Variants in USH2A observed in about 807,000 individuals in gnomAD.
USH2A encodes the protein usherin.
A neutral mutation model predicts 538.9 loss-of-function variants in USH2A; 443 were observed. The observed-to-expected ratio is 0.82, with a 90% CI of 0.76 to 0.89. The LOEUF is 0.89. Among genes scored for constraint, USH2A ranks in the 40% least tolerant of loss-of-function variants. The pLI is 0.00. For synonymous variants in USH2A, 2,413 were observed against 2,273.5 expected (o/e 1.06, Z -1.75); for missense variants, 6,633 against 6,324.8 (o/e 1.05, Z -1.65).
intron 44 of USH2A, among the ~76,000 whole-genome samples, chr1:215,856,059 C>A (rs1664157398): frequency 6.6e-6 from 1 of 152,146 alleles, no homozygotes; most frequent in African/African-American, 2.4e-5. Context: ...AGACTTAAAT[C>A]TAAAACCTGA....
chr1:215,882,753 G>C (rs1664947933), intron 41 of USH2A, among the ~76,000 whole-genome samples: 1 of 152,068 alleles, frequency 6.6e-6, no homozygotes, highest in African/African-American at 2.4e-5. Context: ...TTGCTTTTCA[G>C]ACTTAATTGA....
intron 36 of USH2A, among the ~76,000 whole-genome samples, chr1:215,965,763 T>A (rs1310006467): frequency 6.6e-6 from 1 of 151,958 alleles, no homozygotes; most frequent in Non-Finnish European, 1.5e-5. Flanking sequence ...GCTGTACATA[T>A]CCATAGACCA....
At position 216,296,368 on chromosome 1, in the gene USH2A, C is replaced by T. The variant is rs371480625; in HGVS notation, c.1645-3998G>A. Among the ~76,000 whole-genome samples the T allele has an allele frequency of 2.2e-4, 33 of 152,022 alleles. No individual in the cohort carries two copies. The East Asian group carries it at 4.3e-3, about 20-fold the overall frequency. ...AACCTTTAGGCTAAGGTAGTTGTCC[C>T]GCTTCTCATCTCTCAGAGTACTCTA... is the stretch of plus-strand genomic sequence containing the variant. On this transcript the variant is annotated intron_variant, in intron 9 of 71. Coordinates refer to ENST00000307340, the MANE Select transcript of USH2A (RefSeq NM_206933.4).
At chr1:216,065,303 A>T (rs1309281024) in intron 30 of USH2A, among the ~76,000 whole-genome samples, 1 of 152,200 alleles carries the variant, frequency 6.6e-6, no homozygotes, top group Non-Finnish European at 1.5e-5. Context: ...TAACCTTAGA[A>T]TTACTATTTT....
At chr1:216,353,218 G>A (rs909634560) in intron 4 of USH2A, among the ~76,000 whole-genome samples, 3 of 151,976 alleles carry the variant, frequency 2.0e-5, no homozygotes, top group African/African-American at 4.8e-5. Context: ...TGAAGATCCC[G>A]GGAGGGATGA....
At position 215,747,864 on chromosome 1, in the gene USH2A, GT is replaced by G. The variant is rs887299193; in HGVS notation, c.11390-4530del. On this transcript the variant is annotated intron_variant, in intron 58 of 71. Coordinates refer to ENST00000307340, the MANE Select transcript of USH2A (RefSeq NM_206933.4). ...TGTTGTTTGAAGCCACAGGTTTTTTGTTTTTTTTTGTTTGTTTGTTTGTTTG... is the reference window on the plus strand; with the variant it reads ...TGTTGTTTGAAGCCACAGGTTTTTTGTTTTTTTTGTTTGTTTGTTTGTTTG... Among the ~76,000 whole-genome samples, 21 of 147,504 alleles carry G rather than the reference GT, an allele frequency of 1.4e-4. No individual in the cohort carries two copies. The East Asian group carries it at 3.2e-3, about 22-fold the overall frequency.
chr1:215,662,564 G>T (rs1013584303), intron 64 of USH2A, among the ~76,000 whole-genome samples: 1 of 152,204 alleles, frequency 6.6e-6, no homozygotes, highest in East Asian at 1.9e-4. Context: ...ATGATCTCCC[G>T]TGGGAACAAA....
intron 32 of USH2A, among the ~76,000 whole-genome samples, chr1:216,023,806 C>G (rs994443273): frequency 2.0e-5 from 3 of 151,844 alleles, no homozygotes; most frequent in Non-Finnish European, 4.4e-5. Flanking sequence ...TTTATTTGTA[C>G]GATGAATTGC....
chr1:215,952,454 G>A (rs1002464965), intron 37 of USH2A, among the ~76,000 whole-genome samples: 1 of 152,172 alleles, frequency 6.6e-6, no homozygotes, highest in African/African-American at 2.4e-5. Flanking sequence ...CTCGTTAGTT[G>A]ATGCAGTTTC....
intron 44 of USH2A, among the ~76,000 whole-genome samples, chr1:215,865,237 G>A (rs531274912): frequency 6.6e-6 from 1 of 152,286 alleles, no homozygotes; most frequent in East Asian, 1.9e-4. Flanking sequence ...TCTTCTGAGA[G>A]TTAACCTTTG....
chr1:215,890,859 G>A (rs768850630), intron 40 of USH2A, among the ~76,000 whole-genome samples: 7 of 152,124 alleles, frequency 4.6e-5, no homozygotes, highest in Non-Finnish European at 1.0e-4. Flanking sequence ...ATTGGGTTTC[G>A]TAAAATCAAT....
chr1:215,697,869 G>A (rs1427968625), intron 61 of USH2A, among the ~76,000 whole-genome samples: 2 of 152,086 alleles, frequency 1.3e-5, no homozygotes, highest in Non-Finnish European at 2.9e-5. Flanking sequence ...GGATACATGT[G>A]CAGAACATGC....
At chr1:216,196,970 G>T (rs1438984347) in intron 18 of USH2A, among the ~76,000 whole-genome samples, 1 of 152,046 alleles carries the variant, frequency 6.6e-6, no homozygotes, top group Non-Finnish European at 1.5e-5. Flanking sequence ...AATCTCATAG[G>T]AATTTGCTCA....
chr1:215,670,208 GC>G (rs1207562686), intron 64 of USH2A, among the ~76,000 whole-genome samples: 1 of 152,192 alleles, frequency 6.6e-6, no homozygotes, highest in Non-Finnish European at 1.5e-5. Flanking sequence ...TGAAGATCAA[GC>G]CCCAGGCAAA....
At chr1:216,419,864 A>AT (rs905793347) in intron 2 of USH2A, among the ~76,000 whole-genome samples, 38 of 151,792 alleles carry the variant, frequency 2.5e-4, no homozygotes, top group African/African-American at 8.7e-4. Flanking sequence ...ACTTGCATCT[A>AT]TTTTTTTCCT....
At chr1:215,765,322 T>C (rs1384775672) in intron 56 of USH2A, among the ~76,000 whole-genome samples, 1 of 152,130 alleles carries the variant, frequency 6.6e-6, no homozygotes, top group African/African-American at 2.4e-5. Context: ...ATTCTTTATA[T>C]AGAAAACATC....
At chr1:216,328,655 T>A (rs1220258622) in intron 4 of USH2A, among the ~76,000 whole-genome samples, 1 of 151,962 alleles carries the variant, frequency 6.6e-6, no homozygotes, top group African/African-American at 2.4e-5. Context: ...TGGTGGTTGC[T>A]TGGAGGAAAC....
chr1:215,675,950 G>C (rs1658008788), intron 62 of USH2A, among the ~76,000 whole-genome samples: 2 of 151,888 alleles, frequency 1.3e-5, no homozygotes, highest in South Asian at 2.1e-4. Context: ...TTTTAAAGTA[G>C]AGAATAGTAT....
intron 9 of USH2A, among the ~76,000 whole-genome samples, chr1:216,320,697 T>C (rs2037588632): frequency 6.6e-6 from 1 of 152,190 alleles, no homozygotes; most frequent in Admixed American, 6.6e-5. Context: ...GGTAATCTTT[T>C]ATATGTTTAT....
Sources: allele counts gnomAD v4.1 joint callset (sites outside exome capture counted in the v4.1 genomes callset), GRCh38; gene constraint gnomAD v4.1.1; transcripts MANE v1.5; gene names NCBI Gene and HGNC (gene_info 2026-07-23, HGNC 2026-07-21).